Variants in RDX observed in about 807,000 individuals in gnomAD.
RDX encodes the protein deafness, autosomal recessive 24.
In RDX, 32 loss-of-function variants were observed where a neutral mutation model predicts 83.7. That is an observed-to-expected ratio of 0.38 (90% CI 0.29 to 0.51). The LOEUF is 0.51. Ranked by LOEUF, RDX falls within the 20% of genes least tolerant of loss-of-function variation. The pLI, the probability that RDX is intolerant of heterozygous loss-of-function variation, is 0.87. For missense variants in RDX, 600 were observed against 689.9 expected, an observed-to-expected ratio of 0.87 and a Z score of 1.46; for synonymous variants, 229 against 222.7, an observed-to-expected ratio of 1.03 and a Z score of -0.25.
At chr11:110,224,844 G>A (rs1404656919), downstream of RDX, among the ~76,000 whole-genome samples, 1 of 152,140 alleles carries the variant, frequency 6.6e-6, no homozygotes, top group Non-Finnish European at 1.5e-5. Context: ...AGTAGACATA[G>A]CTCTTCTATT....
chr11:110,209,130 C>CGCACCGT (rs763819278), intron 14 of RDX, among the ~76,000 whole-genome samples: 1 of 152,152 alleles, frequency 6.6e-6, no homozygotes, highest in Non-Finnish European at 1.5e-5. Flanking sequence ...AGTGGATGCG[C>CGCACCGT]GCACCGTGCG....
chr11:110,292,055 G>A (rs1374738734), intron 1 of RDX, among the ~76,000 whole-genome samples: 1 of 152,174 alleles, frequency 6.6e-6, no homozygotes, highest in East Asian at 1.9e-4. Context: ...CACACTGGGA[G>A]GCCAAGGCGG....
intron 13 of RDX, 120 bp from the exon 14 acceptor site, chr11:110,232,153 CT>C: frequency 1.2e-6 from 1 of 821,076 alleles, no homozygotes; most frequent in Non-Finnish European, 2.0e-6. Context: ...AAACCTTTTT[CT>C]TTAGGTATAA....
At position 110,263,948 on chromosome 11, in the gene RDX, T is replaced by A; in HGVS notation, c.467+12A>T. 6.2e-7 allele frequency: 1 copy of A among 1,611,448 alleles called. No individual in the cohort carries two copies. ...TTTCAGACAATATAATGCAAACGCA[T>A]GTTTCACTTACCGCTGGGGTAGGAG... is the stretch of plus-strand genomic sequence containing the variant. On this transcript the variant is annotated intron_variant, in intron 5 of 13. Transcript: ENST00000645495.
intron 10 of RDX, among the ~76,000 whole-genome samples, chr11:110,239,995 A>G (rs1591140102): frequency 1.3e-5 from 2 of 152,202 alleles, no homozygotes; most frequent in South Asian, 4.1e-4. Flanking sequence ...TTACCATAGT[A>G]TCCAGCAATA....
rs1037206298 is a variant in RDX, at chr11:110,256,233, G to A, written c.699-848C>T. On this transcript the variant is annotated intron_variant, in intron 7 of 13. Coordinates refer to ENST00000645495, the MANE Select transcript of RDX (RefSeq NM_002906.4). ...AGCCAGGCTTCTGACAACACAGCAT[G>A]AATTTTTACCTATTTATATTCCTTT... 5.9e-5 allele frequency among the ~76,000 whole-genome samples: 9 copies of A among 152,250 alleles called. 1 individual carries two copies. The South Asian group carries it at 1.9e-3, about 32-fold the overall frequency.
chr11:110,268,140 T>C lies in RDX; in HGVS notation c.97-3266A>G, dbSNP rs186916050. On this transcript the variant is annotated intron_variant, in intron 3 of 13. Transcript: ENST00000645495. Reference sequence around the variant, plus strand: ...CTGGCCAACATGGTGACACTCTGTCTCTACTAAAAATACAAAAATTAGCCG... The same window carrying C: ...CTGGCCAACATGGTGACACTCTGTCCCTACTAAAAATACAAAAATTAGCCG... Among the ~76,000 whole-genome samples, 772 of 151,972 alleles carry C rather than the reference T, an allele frequency of 5.1e-3. 5 individuals are homozygous for C. Among genetic ancestry groups the C allele is most frequent in the African/African-American group, 0.017 (716 of 41,458 alleles).
At chr11:110,241,062 A>C (rs1400169200) in intron 10 of RDX, among the ~76,000 whole-genome samples, 1 of 149,900 alleles carries the variant, frequency 6.7e-6, no homozygotes, top group African/African-American at 2.4e-5. Flanking sequence ...TCTCCAAAAA[A>C]AAAAAAAAAA....
In RDX at chr11:110,272,408, C is replaced by G. The variant is rs1236452460; in HGVS notation, c.96+128G>C. The G allele has an allele frequency of 4.3e-6, 3 of 705,498 alleles. No individual in the cohort carries two copies. In the East Asian group the frequency reaches 8.2e-5, roughly 19 times the overall value. The allele number at this position is 705,498 out of a possible 1,614,324, so 43.7% of individuals were successfully genotyped here. A position where few individuals can be genotyped will look rare whatever the true frequency, so the allele number is the denominator to read the frequency against. On this transcript the variant is annotated intron_variant, in intron 3 of 13. Coordinates refer to ENST00000645495, the MANE Select transcript of RDX (RefSeq NM_002906.4). Reference sequence around the variant, plus strand: ...TGCTGTAGTAGGGATATCTGAATAGCTACTATGAAAAATTCCAAGTGGTAC... The same window carrying G: ...TGCTGTAGTAGGGATATCTGAATAGGTACTATGAAAAATTCCAAGTGGTAC...
rs1864640902 is a variant in RDX, at chr11:110,231,665, G to A, written c.*204C>T. On this transcript the variant is annotated 3_prime_UTR_variant, in exon 14 of 14. Coordinates refer to ENST00000645495, the MANE Select transcript of RDX (RefSeq NM_002906.4). ...ATGGAACACCATTCTCCATTCCCTG[G>A]ACCAAAAGAAAAAAGAAAACCAAGC... 1.6e-6 allele frequency: 1 copy of A among 613,260 alleles called. No individual in the cohort carries two copies. The highest frequency in any genetic ancestry group is 2.9e-6 in the Non-Finnish European group (1 of 344,104). 38.0% of individuals were successfully genotyped at this position (613,260 alleles called of 1,614,324 possible).
intron 15 of RDX, among the ~76,000 whole-genome samples, chr11:110,184,076 G>T (rs1862938916): frequency 6.6e-6 from 1 of 152,186 alleles, no homozygotes; most frequent in African/African-American, 2.4e-5. Context: ...CAGTGTGCAA[G>T]ATACAGATAC....
chr11:110,283,298 C>T (rs1449412108), intron 1 of RDX, among the ~76,000 whole-genome samples: 1 of 151,964 alleles, frequency 6.6e-6, no homozygotes, highest in African/African-American at 2.4e-5. Flanking sequence ...GGATTACAGG[C>T]GTCTGCCACC....
chr11:110,248,413 T>A (rs1859203082), intron 9 of RDX, among the ~76,000 whole-genome samples: 1 of 152,112 alleles, frequency 6.6e-6, no homozygotes, highest in Non-Finnish European at 1.5e-5. Context: ...CGTACATACA[T>A]GTGCTGGGTT....
At chr11:110,295,743 C>T (rs546066715) in intron 1 of RDX, among the ~76,000 whole-genome samples, 1 of 151,936 alleles carries the variant, frequency 6.6e-6, no homozygotes, top group Non-Finnish European at 1.5e-5. Flanking sequence ...ATGTACTGAA[C>T]TTGTCTGGTG....
At position 110,290,030 on chromosome 11, in the gene RDX, C is replaced by T. The variant is rs1367868530; in HGVS notation, c.-65+6437G>A. Among the ~76,000 whole-genome samples, 3 of 146,292 alleles carry T rather than the reference C, an allele frequency of 2.1e-5. No individual in the cohort carries two copies. In the East Asian group the frequency reaches 6.0e-4, roughly 29 times the overall value. On this transcript the variant is annotated intron_variant, in intron 1 of 13. Transcript: ENST00000645495. ...ATGCATCCACATTATTCCATGTACTCACCAGGATTTTTTGTTATAAACAAA... is the reference window on the plus strand; with the variant it reads ...ATGCATCCACATTATTCCATGTACTTACCAGGATTTTTTGTTATAAACAAA...
chr11:110,238,972 G>A (rs1403347755), intron 10 of RDX, among the ~76,000 whole-genome samples: 3 of 150,736 alleles, frequency 2.0e-5, no homozygotes, highest in Admixed American at 2.0e-4. Flanking sequence ...GTTTTGAGAG[G>A]GTTGGAGAAG....
chr11:110,186,507 T>C (rs774057874), intron 15 of RDX, among the ~76,000 whole-genome samples: 7 of 152,008 alleles, frequency 4.6e-5, no homozygotes, highest in Non-Finnish European at 7.4e-5. Flanking sequence ...AAATAGTGCA[T>C]AAAGATCAAT....
intron 10 of RDX, among the ~76,000 whole-genome samples, chr11:110,245,601 A>AAT (rs1859075045): frequency 6.6e-6 from 1 of 152,198 alleles, no homozygotes; most frequent in South Asian, 2.1e-4. Context: ...AATTGTAAAC[A>AAT]ATATATATCT....
At chr11:110,196,596 G>A (rs115564326) in intron 15 of RDX, among the ~76,000 whole-genome samples, 2,477 of 152,322 alleles carry the variant, frequency 0.016, 84 homozygotes, top group African/African-American at 0.054. Context: ...AGCAGCCACA[G>A]GGCGTGTGTG....
Sources: allele counts gnomAD v4.1 joint callset (sites outside exome capture counted in the v4.1 genomes callset), GRCh38; gene constraint gnomAD v4.1.1; transcripts MANE v1.5; gene names NCBI Gene and HGNC (gene_info 2026-07-23, HGNC 2026-07-21).